SYNPR: variants seen among roughly 807,000 people sequenced by gnomAD.
SYNPR encodes the protein synaptoporin.
In SYNPR, 23 loss-of-function variants were observed where a neutral mutation model predicts 32.9. The observed-to-expected ratio is 0.70, with a 90% CI of 0.50 to 0.99. The LOEUF is 0.99. Ranked by LOEUF, SYNPR falls within the 50% of genes least tolerant of loss-of-function variation. SYNPR has a pLI of 0.00. For synonymous variants in SYNPR, 146 were observed against 135.9 expected (o/e 1.07, Z -0.52); for missense variants, 318 against 349.3 (o/e 0.91, Z 0.71).
At chr3:63,478,439 T>C (rs931005528) in intron 2 of SYNPR, among the ~76,000 whole-genome samples, 2 of 152,216 alleles carry the variant, frequency 1.3e-5, no homozygotes, top group Admixed American at 6.5e-5. Flanking sequence ...ATCTTTCCTA[T>C]AGGAATATTA....
In SYNPR at chr3:63,248,801, A is replaced by G. The variant is rs1039699346; in HGVS notation, n.67-3698A>G. 2.6e-5 allele frequency among the ~76,000 whole-genome samples: 4 copies of G among 152,192 alleles called. No homozygotes were observed. In the East Asian group the frequency reaches 7.7e-4, roughly 29 times the overall value. On this transcript the variant is annotated intron_variant and non_coding_transcript_variant, in intron 1 of 4. Coordinates refer to the SYNPR transcript ENST00000478456. ...CATGCTCAAGGGACATTCACTGATT[A>G]CGTTAGCTGTCTCTCATGGCTGCTA...
intron 2 of SYNPR, among the ~76,000 whole-genome samples, chr3:63,344,130 C>T (rs1575604531): frequency 6.6e-6 from 1 of 152,202 alleles, no homozygotes; most frequent in African/African-American, 2.4e-5. Context: ...ATCTGCCCTC[C>T]TGACATTTTG....
At chr3:63,309,786 A>C (rs1233963758) in intron 2 of SYNPR, among the ~76,000 whole-genome samples, 1 of 151,752 alleles carries the variant, frequency 6.6e-6, no homozygotes, top group Non-Finnish European at 1.5e-5. Flanking sequence ...CACCCTCTAC[A>C]CTGCTTACTC....
At chr3:63,457,130 G>C (rs1700497658) in intron 2 of SYNPR, among the ~76,000 whole-genome samples, 1 of 151,574 alleles carries the variant, frequency 6.6e-6, no homozygotes, top group African/African-American at 2.4e-5. Flanking sequence ...TTGCCTTGAA[G>C]TACCTCTCGG....
intron 2 of SYNPR, among the ~76,000 whole-genome samples, chr3:63,318,266 G>T (rs186955955): frequency 6.6e-6 from 1 of 152,054 alleles, no homozygotes; most frequent in East Asian, 1.9e-4. Context: ...ATTTCCAAGG[G>T]TTCTTTGTGC....
chr3:63,601,907 C>T (rs941261064), intron 4 of SYNPR, among the ~76,000 whole-genome samples: 5 of 152,224 alleles, frequency 3.3e-5, no homozygotes, highest in African/African-American at 1.2e-4. Context: ...GGAATCACCA[C>T]ACTGCTTTCC....
intron 4 of SYNPR, among the ~76,000 whole-genome samples, chr3:63,584,235 T>A (rs1441729399): frequency 6.6e-6 from 1 of 152,096 alleles, no homozygotes; most frequent in Non-Finnish European, 1.5e-5. Flanking sequence ...AAGAGCCTTG[T>A]GTGGTGAGAA....
chr3:63,454,089 G>A (rs1392727433), intron 2 of SYNPR, among the ~76,000 whole-genome samples: 7 of 152,070 alleles, frequency 4.6e-5, no homozygotes, highest in Admixed American at 1.3e-4. Context: ...CTAAGTACCA[G>A]GAGCTTGCCC....
the SYNPR span, among the ~76,000 whole-genome samples, chr3:63,218,756 A>G: frequency 3.3e-5 from 5 of 152,180 alleles, no homozygotes; most frequent in African/African-American, 1.2e-4. Context: ...GAGAATGCCA[A>G]CTGAAAGTCT....
At chr3:63,239,853 A>G (rs1376387167) in intron 1 of SYNPR, among the ~76,000 whole-genome samples, 2 of 150,280 alleles carry the variant, frequency 1.3e-5, no homozygotes, top group African/African-American at 4.9e-5. Context: ...CTATCCCACC[A>G]TTGTCAAGTG....
At chr3:63,269,220 G>T (rs942338097) in intron 3 of SYNPR, among the ~76,000 whole-genome samples, 2 of 152,212 alleles carry the variant, frequency 1.3e-5, no homozygotes, top group Non-Finnish European at 2.9e-5. Context: ...CAAGTGCAGT[G>T]GCTCACGCCT....
intron 2 of SYNPR, among the ~76,000 whole-genome samples, chr3:63,260,209 G>A (rs2086424769): frequency 6.6e-6 from 1 of 152,064 alleles, no homozygotes. Context: ...TCACAGAATT[G>A]GAAAAAACTA....
intron 2 of SYNPR, among the ~76,000 whole-genome samples, chr3:63,279,455 C>A (rs1045496166): frequency 6.6e-6 from 1 of 152,134 alleles, no homozygotes; most frequent in Non-Finnish European, 1.5e-5. Flanking sequence ...ATTCCACTTC[C>A]GTGAAACCAC....
chr3:63,247,039 C>T (rs948463839), intron 1 of SYNPR, among the ~76,000 whole-genome samples: 4 of 151,850 alleles, frequency 2.6e-5, no homozygotes, highest in African/African-American at 9.7e-5. Context: ...AGCAAAACTA[C>T]ACATCCTGCA....
intron 2 of SYNPR, among the ~76,000 whole-genome samples, chr3:63,354,810 G>T (rs1187560881): frequency 6.6e-6 from 1 of 152,178 alleles, no homozygotes; most frequent in East Asian, 1.9e-4. Context: ...GCAGAATAGA[G>T]CCTGCTTTAT....
chr3:63,231,140 T>C (rs1016057844), intron 1 of SYNPR, among the ~76,000 whole-genome samples: 1 of 152,182 alleles, frequency 6.6e-6, no homozygotes, highest in African/African-American at 2.4e-5. Flanking sequence ...ATGTGGTATA[T>C]GTATACCATG....
intron 2 of SYNPR, among the ~76,000 whole-genome samples, chr3:63,311,553 G>A (rs1299914350): frequency 6.6e-6 from 1 of 151,836 alleles, no homozygotes; most frequent in Non-Finnish European, 1.5e-5. Context: ...GATCTGAGGT[G>A]GAACAGTCTC....
chr3:63,443,948 TC>T (rs1700226109), intron 2 of SYNPR, among the ~76,000 whole-genome samples: 1 of 152,186 alleles, frequency 6.6e-6, no homozygotes, highest in East Asian at 1.9e-4. Context: ...TTTTATAAGG[TC>T]TTATAGCAGT....
chr3:63,343,786 C>T (rs573797388), intron 2 of SYNPR, among the ~76,000 whole-genome samples: 16 of 152,230 alleles, frequency 1.1e-4, no homozygotes, highest in Admixed American at 2.6e-4. Flanking sequence ...GAGGTTTGGG[C>T]GATTATTCAA....
Sources: allele counts gnomAD v4.1 joint callset (sites outside exome capture counted in the v4.1 genomes callset), GRCh38; gene constraint gnomAD v4.1.1; transcripts MANE v1.5; gene names NCBI Gene and HGNC (gene_info 2026-07-23, HGNC 2026-07-21).